MAPT: variants seen among roughly 807,000 people sequenced by gnomAD.
MAPT encodes the protein microtubule associated protein tau.
MAPT carries 34 observed loss-of-function variants against 67.9 expected under a neutral mutation model. The observed-to-expected ratio is 0.50, with a 90% CI of 0.38 to 0.67. The LOEUF (loss-of-function observed/expected upper bound fraction) is 0.67, where lower values mean the gene tolerates loss of function less well. MAPT is among the 30% of genes least tolerant of loss of function. The pLI is 0.00. For synonymous variants in MAPT, 456 were observed against 464.5 expected (o/e 0.98, Z 0.23); for missense variants, 881 against 1,115.2 (o/e 0.79, Z 2.99).
At chr17:45,942,047 C>T (rs1398851617) in intron 1 of MAPT, among the ~76,000 whole-genome samples, 1 of 151,918 alleles carries the variant, frequency 6.6e-6, no homozygotes, top group African/African-American at 2.4e-5. Flanking sequence ...CATATTATTG[C>T]CTTTCATCTG....
rs75010486 is a variant in MAPT, at chr17:46,026,459, T to C, written c.*2288T>C. 0.14 allele frequency: 21,756 copies of C among 152,132 alleles called. 2,108 individuals carry two copies. Among genetic ancestry groups the C allele is most frequent in the Non-Finnish European group, 0.22 (14,715 of 67,980 alleles). The allele number at this position is 152,132 out of a possible 1,614,324, so 9.4% of individuals were successfully genotyped here. ...TCTCTGGTCATAGCCCGAAGTCTCA[T>C]GGCAGTCCCAAAGGAGGCTTACAAC... On this transcript the variant is annotated 3_prime_UTR_variant, in exon 13 of 13. Coordinates refer to ENST00000262410, the MANE Select transcript of MAPT (RefSeq NM_001377265.1).
At position 45,971,471 on chromosome 17, in the gene MAPT, C is replaced by G. The variant is rs1407077784; in HGVS notation, c.134-388C>G. Among the ~76,000 whole-genome samples, 1 of 152,222 alleles carries G rather than the reference C, an allele frequency of 6.6e-6. No individual in the cohort carries two copies. Among genetic ancestry groups the G allele is most frequent in the Non-Finnish European group, 1.5e-5 (1 of 68,036 alleles). ...CGCTGAGTGTTTTTCCAGGTGTCTA[C>G]TTGTTGTTAATTAATAGCAATGACA... On this transcript the variant is annotated intron_variant, in intron 2 of 12. Transcript: ENST00000262410. This position sits in a 1 kb window ranked among gnomAD's most constrained non-coding sequence, Gnocchi z 4.3.
chr17:45,944,528 G>A (rs1462032982), intron 1 of MAPT, among the ~76,000 whole-genome samples: 2 of 152,308 alleles, frequency 1.3e-5, no homozygotes, highest in East Asian at 1.9e-4. Flanking sequence ...TGGCTTCATG[G>A]GTGAGCTCCA....
intron 8 of MAPT, among the ~76,000 whole-genome samples, chr17:45,994,498 C>T (rs973075613): frequency 9.9e-5 from 15 of 152,016 alleles, no homozygotes; most frequent in African/African-American, 3.6e-4. Context: ...TGTCCTATTG[C>T]CACAGAGCGT....
At chr17:45,942,246 ATGCACATTTC>A (rs1301686813) in intron 1 of MAPT, among the ~76,000 whole-genome samples, 3 of 152,230 alleles carry the variant, frequency 2.0e-5, no homozygotes, top group Non-Finnish European at 4.4e-5. Flanking sequence ...AATTCTGAAC[ATGCACATTTC>A]TGCAACTACT....
At chr17:45,970,825 C>G (rs1256022503) in intron 2 of MAPT, among the ~76,000 whole-genome samples, 1 of 152,226 alleles carries the variant, frequency 6.6e-6, no homozygotes, top group Non-Finnish European at 1.5e-5. Context: ...AGGACCCTAT[C>G]GGCTGGCCAT....
At chr17:45,985,823 G>A (rs772292201) in intron 5 of MAPT, 136 of 588,592 alleles carry the variant, frequency 2.3e-4, no homozygotes, top group Non-Finnish European at 2.3e-4. Context: ...CCAGTTGTGG[G>A]GTAAGCCTGG....
intron 1 of MAPT, chr17:45,895,259 C>G (rs1469236985): frequency 2.0e-5 from 3 of 152,212 alleles, no homozygotes; most frequent in Non-Finnish European, 4.4e-5. Flanking sequence ...TTCACTGCCC[C>G]TGATTTTAGG....
In MAPT at chr17:45,983,651, G is replaced by A. The variant is rs1568279399; in HGVS notation, c.1072G>A (p.Glu358Lys). Residue 358 changes from glutamate to lysine, a missense_variant, in exon 5 of 13, where the codon GAG becomes AAG. This residue lies in a region of MAPT where 687 missense variants were observed against 766.1 expected (regional missense o/e 0.90). Transcript: ENST00000262410. ...SKVSTEIPAS[E>K]PDGPSVGRAK... ...AGTTTCCACAGAGATCCCAGCCTCAGAGCCCGACGGGCCCAGTGTAGGGCG... is the reference window on the plus strand; with the variant it reads ...AGTTTCCACAGAGATCCCAGCCTCAAAGCCCGACGGGCCCAGTGTAGGGCG... The A allele has an allele frequency of 1.2e-6, 2 of 1,614,058 alleles. No homozygotes were observed. The highest frequency in any genetic ancestry group is 3.3e-5 in the Admixed American group (2 of 60,036).
chr17:46,006,875 A>T (rs562632487), intron 9 of MAPT, among the ~76,000 whole-genome samples: 206 of 152,114 alleles, frequency 1.4e-3, no homozygotes, highest in African/African-American at 4.9e-3. Context: ...GTGAGCCGAG[A>T]TCGCGCCACT....
At chr17:45,967,649 A>G (rs145365304) in intron 2 of MAPT, among the ~76,000 whole-genome samples, 5 of 152,052 alleles carry the variant, frequency 3.3e-5, no homozygotes, top group Admixed American at 1.3e-4. Context: ...GTGGAACTCC[A>G]CTTGCCTTTT....
At chr17:45,979,746 CA>C (rs2072754819) in intron 4 of MAPT, 1 of 152,168 alleles carries the variant, frequency 6.6e-6, no homozygotes, top group Non-Finnish European at 1.5e-5. Flanking sequence ...CTCTAGAAAT[CA>C]TTGCTTTTCA....
chr17:45,971,858 G>C lies in MAPT; in HGVS notation c.134-1G>C. Reference sequence around the variant, plus strand: ...CTGAGGGCTCACTGTATGTGTTCCAGAATCTCCCCTGCAGACCCCCACTGA... The same window carrying C: ...CTGAGGGCTCACTGTATGTGTTCCACAATCTCCCCTGCAGACCCCCACTGA... On this transcript the variant is annotated splice_acceptor_variant, in intron 2 of 12. Transcript: ENST00000262410. LOFTEE classifies it high-confidence loss of function. The surrounding 1 kb of genome is among the most constrained non-coding windows in gnomAD (Gnocchi z 4.3). The C allele has an allele frequency of 6.2e-7, 1 of 1,612,350 alleles. No homozygotes were observed. The highest frequency in any genetic ancestry group is 8.5e-7 in the Non-Finnish European group (1 of 1,178,400).
intron 1 of MAPT, among the ~76,000 whole-genome samples, chr17:45,902,472 T>G (rs1174208472): frequency 6.6e-6 from 1 of 152,238 alleles, no homozygotes; most frequent in Non-Finnish European, 1.5e-5. Flanking sequence ...TTGGCTGTGA[T>G]AAGAGGCAGT....
At position 46,010,473 on chromosome 17, in the gene MAPT, A is replaced by C; in HGVS notation, c.2091+71A>C. The C allele has an allele frequency of 9.6e-7, 1 of 1,037,020 alleles. No homozygotes were observed. Among genetic ancestry groups the C allele is most frequent in the Non-Finnish European group, 1.5e-6 (1 of 677,670 alleles). The allele number at this position is 1,037,020 out of a possible 1,614,324, so 64.2% of individuals were successfully genotyped here. ...ATTAGGAAGTGGTGTGAGTGCGTAC[A>C]CTTGCGAGACACTGCATAGAATAAA... On this transcript the variant is annotated intron_variant, in intron 10 of 12. Transcript: ENST00000262410. This position sits in a 1 kb window ranked among gnomAD's most constrained non-coding sequence, Gnocchi z 4.7.
At chr17:45,898,151 G>C (rs1219766281) in intron 1 of MAPT, 1 of 152,218 alleles carries the variant, frequency 6.6e-6, no homozygotes, top group Admixed American at 6.5e-5. Flanking sequence ...CCTTGGCCAA[G>C]TTTGCTTCTC....
chr17:45,938,810 A>ATT (rs368157488), intron 1 of MAPT, among the ~76,000 whole-genome samples: 46,073 of 117,906 alleles, frequency 0.39, 10,506 homozygotes, highest in Non-Finnish European at 0.51. Flanking sequence ...TGCCCAGCTA[A>ATT]TTTTTTTTTT....
At chr17:45,904,218 TA>T (rs1452626627) in intron 1 of MAPT, among the ~76,000 whole-genome samples, 1 of 47,490 alleles carries the variant, frequency 2.1e-5, no homozygotes, top group African/African-American at 7.3e-5. Flanking sequence ...ATATTATATA[TA>T]TTATATATAT....
intron 10 of MAPT, among the ~76,000 whole-genome samples, chr17:46,012,264 G>A (rs912822205): frequency 1.3e-5 from 2 of 152,194 alleles, no homozygotes; most frequent in South Asian, 2.1e-4. Flanking sequence ...GCCCAAAGAC[G>A]CTGCAGTGCC....
Sources: allele counts gnomAD v4.1 joint callset (sites outside exome capture counted in the v4.1 genomes callset), GRCh38; gene constraint gnomAD v4.1.1; regional missense constraint gnomAD v4.1.1; non-coding constraint Gnocchi (gnomAD v3.1); transcripts MANE v1.5; gene names NCBI Gene and HGNC (gene_info 2026-07-23, HGNC 2026-07-21).